The following TENM2 variants were observed in gnomAD, a reference collection of about 807,000 sequenced individuals.
TENM2 encodes the protein teneurin transmembrane protein 2, also known as teneurin-2.
Under a neutral mutation model 245.2 loss-of-function variants are expected in TENM2, and 52 were observed. That is an observed-to-expected ratio of 0.21 (90% CI 0.17 to 0.27). The LOEUF is 0.27. Among genes scored for constraint, TENM2 ranks in the 10% least tolerant of loss-of-function variants. The pLI is 1.00. For missense variants in TENM2, 3,046 were observed against 3,666.8 expected (o/e 0.83, Z 4.37); for synonymous variants, 1,363 against 1,438.9 (o/e 0.95, Z 1.19).
At chr5:167,640,848 TATATATATATCC>T (rs1779516462) in intron 2 of TENM2, among the ~76,000 whole-genome samples, 13 of 94,706 alleles carry the variant, frequency 1.4e-4, no homozygotes, top group Non-Finnish European at 1.8e-4. Flanking sequence ...TATCCATATA[TATATATATATCC>T]ATATATATAT....
intron 2 of TENM2, among the ~76,000 whole-genome samples, chr5:167,632,753 G>C (rs1424469547): frequency 3.3e-5 from 5 of 152,046 alleles, no homozygotes; most frequent in Admixed American, 3.3e-4. Flanking sequence ...GCACAAAGTA[G>C]GCACTATGTA....
the TENM2 span, among the ~76,000 whole-genome samples, chr5:167,176,874 T>G: frequency 2.0e-5 from 3 of 152,184 alleles, no homozygotes; most frequent in Admixed American, 1.3e-4. Flanking sequence ...TTAATCTGGA[T>G]GGAGAACGTG....
chr5:167,590,179 A>G (rs937679379), intron 2 of TENM2, among the ~76,000 whole-genome samples: 36 of 152,038 alleles, frequency 2.4e-4, no homozygotes, highest in African/African-American at 8.2e-4. Flanking sequence ...TTCATAGCCA[A>G]TATTTTTTCC....
At chr5:167,105,803 G>A in the TENM2 span, among the ~76,000 whole-genome samples, 2 of 145,024 alleles carry the variant, frequency 1.4e-5, no homozygotes, top group African/African-American at 5.2e-5. Context: ...CAGGAGAATG[G>A]CGTGAACCCG....
chr5:167,034,056 T>C, the TENM2 span, among the ~76,000 whole-genome samples: 1 of 152,216 alleles, frequency 6.6e-6, no homozygotes, highest in Non-Finnish European at 1.5e-5. Flanking sequence ...TTGTGTATTC[T>C]GAAGGAAACA....
chr5:168,032,297 G>A (rs568084236), intron 5 of TENM2, among the ~76,000 whole-genome samples: 18 of 152,312 alleles, frequency 1.2e-4, no homozygotes, highest in African/African-American at 2.6e-4. Context: ...CACTATATTC[G>A]TGTTAGCTAT....
chr5:167,743,375 A>G (rs891101086), intron 2 of TENM2, among the ~76,000 whole-genome samples: 1 of 152,200 alleles, frequency 6.6e-6, no homozygotes, highest in African/African-American at 2.4e-5. Context: ...TGGGCAAGAC[A>G]TCATTAGAAA....
At chr5:167,042,034 A>C in the TENM2 span, among the ~76,000 whole-genome samples, 1 of 152,196 alleles carries the variant, frequency 6.6e-6, no homozygotes, top group Non-Finnish European at 1.5e-5. Flanking sequence ...CAGGCTGACC[A>C]ATGTGCTGGG....
the TENM2 span, among the ~76,000 whole-genome samples, chr5:166,979,046 C>T: frequency 6.6e-6 from 1 of 151,840 alleles, no homozygotes; most frequent in Non-Finnish European, 1.5e-5. Flanking sequence ...CGAGAGCTCG[C>T]GTGCAGGAGT....
chr5:167,470,917 T>C (rs1436983950), intron 2 of TENM2, among the ~76,000 whole-genome samples: 2 of 152,186 alleles, frequency 1.3e-5, no homozygotes, highest in Admixed American at 1.3e-4. Flanking sequence ...GGAAATTTGA[T>C]GAAAGAGCAA....
intron 19 of TENM2, among the ~76,000 whole-genome samples, chr5:168,205,861 A>G (rs1382870840): frequency 1.3e-5 from 2 of 152,116 alleles, no homozygotes; most frequent in East Asian, 1.9e-4. Context: ...GACTCTGGCT[A>G]TTGTGTATGG....
chr5:167,620,549 C>CTTTTTTTTTTTTTTTTT (rs11455974), intron 2 of TENM2, among the ~76,000 whole-genome samples: 2 of 73,314 alleles, frequency 2.7e-5, no homozygotes, highest in African/African-American at 5.3e-5. Context: ...TGCTTTTTGG[C>CTTTTTTTTTTTTTTTTT]TTTTTTTTTT....
intron 1 of TENM2, among the ~76,000 whole-genome samples, chr5:167,331,120 C>T (rs1207170211): frequency 6.6e-6 from 1 of 150,956 alleles, no homozygotes; most frequent in East Asian, 2.0e-4. Context: ...CCTGTAGTCC[C>T]AGCTACTCGG....
At chr5:167,618,195 C>T (rs754363297) in intron 2 of TENM2, among the ~76,000 whole-genome samples, 4 of 152,080 alleles carry the variant, frequency 2.6e-5, no homozygotes, top group African/African-American at 9.7e-5. Context: ...GGTATTCCCT[C>T]GCTTTAATTT....
intron 10 of TENM2, among the ~76,000 whole-genome samples, chr5:168,120,233 T>C (rs1039662371): frequency 4.6e-5 from 7 of 152,188 alleles, no homozygotes; most frequent in African/African-American, 1.7e-4. Flanking sequence ...CTTGCTCAGT[T>C]CTCTATATAA....
At chr5:168,070,445 G>C (rs924297550) in intron 7 of TENM2, among the ~76,000 whole-genome samples, 1 of 151,938 alleles carries the variant, frequency 6.6e-6, no homozygotes, top group Non-Finnish European at 1.5e-5. Context: ...AGTCAGTGTG[G>C]GGTTGAATTA....
intron 10 of TENM2, among the ~76,000 whole-genome samples, chr5:168,123,091 G>C (rs1183852468): frequency 6.6e-6 from 1 of 151,568 alleles, no homozygotes; most frequent in Non-Finnish European, 1.5e-5. Context: ...GAGCCCAGGA[G>C]TTCACAACTA....
chr5:167,478,917 TTATATG>T (rs374433981), intron 2 of TENM2, among the ~76,000 whole-genome samples: 24 of 152,270 alleles, frequency 1.6e-4, no homozygotes, highest in African/African-American at 5.5e-4. Flanking sequence ...GCTAATCACT[TTATATG>T]TATTATTTTA....
At chr5:168,168,116 C>A (rs17663412) in intron 13 of TENM2, among the ~76,000 whole-genome samples, 13,007 of 152,126 alleles carry the variant, frequency 0.086, 729 homozygotes, top group South Asian at 0.16. Context: ...GATTTCTAAG[C>A]CCCCACCTTT....
Sources: allele counts gnomAD v4.1 joint callset (sites outside exome capture counted in the v4.1 genomes callset), GRCh38; gene constraint gnomAD v4.1.1; transcripts MANE v1.5; gene names NCBI Gene and HGNC (gene_info 2026-07-23, HGNC 2026-07-21).